PACRG: variants seen among roughly 807,000 people sequenced by gnomAD.
The protein encoded by PACRG is parkin coregulated gene protein.
A neutral mutation model predicts 29.7 loss-of-function variants in PACRG; 29 were observed. The observed-to-expected ratio is 0.98, with a 90% CI of 0.73 to 1.33. PACRG has a LOEUF of 1.33. PACRG is among the 40% of genes most tolerant of loss of function. The probability of loss-of-function intolerance (pLI) is 0.00; values close to 1 mark genes in which losing one functional copy is unlikely to be tolerated. For missense variants in PACRG, 279 were observed against 316.2 expected (o/e 0.88, Z 0.89); for synonymous variants, 116 against 118.7 (o/e 0.98, Z 0.15).
chr6:163,302,737 C>T (rs960895286), intron 4 of PACRG, among the ~76,000 whole-genome samples: 1 of 152,144 alleles, frequency 6.6e-6, no homozygotes, highest in South Asian at 2.1e-4. Context: ...CCCAAATATT[C>T]GGGGAAACAT....
intron 2 of PACRG, among the ~76,000 whole-genome samples, chr6:162,921,062 T>C (rs1182877385): frequency 6.6e-6 from 1 of 152,224 alleles, no homozygotes; most frequent in African/African-American, 2.4e-5. Context: ...TGGAACAAAC[T>C]GCAATAATTA....
chr6:162,811,779 T>A (rs950408413), intron 1 of PACRG, among the ~76,000 whole-genome samples: 1 of 152,112 alleles, frequency 6.6e-6, no homozygotes, highest in African/African-American at 2.4e-5. Context: ...TAAACAGCAA[T>A]GAACTGTTGA....
intron 1 of PACRG, among the ~76,000 whole-genome samples, chr6:162,807,144 T>G (rs1786415960): frequency 6.6e-6 from 1 of 152,232 alleles, no homozygotes; most frequent in Non-Finnish European, 1.5e-5. Flanking sequence ...GTTAGGGCCT[T>G]CCTCTGGATT....
At chr6:162,780,144 T>A (rs764969566) in intron 1 of PACRG, among the ~76,000 whole-genome samples, 5 of 152,094 alleles carry the variant, frequency 3.3e-5, no homozygotes, top group East Asian at 1.9e-4. Flanking sequence ...CCTAAAATAG[T>A]AAGGTGGAAC....
intron 4 of PACRG, among the ~76,000 whole-genome samples, chr6:163,268,555 T>C (rs1191430585): frequency 7.9e-5 from 12 of 152,218 alleles, no homozygotes; most frequent in African/African-American, 2.9e-4. Context: ...GCTTTTTTCT[T>C]TCATAAGAAA....
At chr6:162,913,218 G>A (rs920308313) in intron 2 of PACRG, among the ~76,000 whole-genome samples, 4 of 152,106 alleles carry the variant, frequency 2.6e-5, no homozygotes, top group Admixed American at 6.5e-5. Context: ...CAGGAAGCAC[G>A]ATAATCAACA....
chr6:162,765,971 A>G (rs1782757951), intron 1 of PACRG, among the ~76,000 whole-genome samples: 1 of 152,186 alleles, frequency 6.6e-6, no homozygotes, highest in Non-Finnish European at 1.5e-5. Flanking sequence ...GTATACTTAC[A>G]GAGTACAATG....
At chr6:162,761,963 C>G (rs1327535437) in intron 1 of PACRG, among the ~76,000 whole-genome samples, 2 of 146,976 alleles carry the variant, frequency 1.4e-5, no homozygotes, top group African/African-American at 5.0e-5. Context: ...GAAACCCCCC[C>G]CCAAAAAAAA....
chr6:163,188,464 G>A (rs758985325), intron 4 of PACRG, among the ~76,000 whole-genome samples: 1 of 152,136 alleles, frequency 6.6e-6, no homozygotes, highest in South Asian at 2.1e-4. Context: ...AAATACTGAC[G>A]TGATGCCTTT....
At chr6:162,899,591 C>T (rs1042561124) in intron 2 of PACRG, among the ~76,000 whole-genome samples, 1 of 152,160 alleles carries the variant, frequency 6.6e-6, no homozygotes, top group African/African-American at 2.4e-5. Flanking sequence ...TCTGCCCTGG[C>T]TCCTGCCGTC....
chr6:162,939,725 T>A (rs1197643759), intron 2 of PACRG, among the ~76,000 whole-genome samples: 1 of 151,960 alleles, frequency 6.6e-6, no homozygotes, highest in Non-Finnish European at 1.5e-5. Flanking sequence ...TCTAGCATGT[T>A]CTGGTAATGA....
At position 163,066,563 on chromosome 6, in the gene PACRG, C is replaced by G. The variant is rs372190852; in HGVS notation, c.463+4242C>G. 4.8e-4 allele frequency among the ~76,000 whole-genome samples: 73 copies of G among 152,202 alleles called. 1 individual carries two copies. The highest frequency in any genetic ancestry group is 1.4e-3 in the African/African-American group (57 of 41,544). On this transcript the variant is annotated intron_variant, in intron 3 of 4. Transcript: ENST00000366888. ...TTTTGCAGTAATGACTCTTAAAAAT[C>G]CCAGGAAAACTGGGGTCTACACCCT...
At chr6:163,172,026 T>C (rs1779113595) in intron 4 of PACRG, among the ~76,000 whole-genome samples, 1 of 152,252 alleles carries the variant, frequency 6.6e-6, no homozygotes, top group South Asian at 2.1e-4. Flanking sequence ...CCTGTCTACC[T>C]GGGGTCTGGC....
chr6:162,843,069 T>C lies in PACRG; in HGVS notation c.291+28788T>C, dbSNP rs1437410274. ...TCAACTTTGGTGAATCTGACAATTA[T>C]GTGTCTTGGAGTTGGCTCTTCTCGA... is the stretch of plus-strand genomic sequence containing the variant. On this transcript the variant is annotated intron_variant, in intron 2 of 4. Transcript: ENST00000366888. Among the ~76,000 whole-genome samples the C allele has an allele frequency of 8.0e-5, 12 of 149,108 alleles. No homozygotes were observed. In the East Asian group the frequency reaches 1.8e-3, roughly 23 times the overall value.
intron 2 of PACRG, among the ~76,000 whole-genome samples, chr6:162,992,884 A>G (rs976285099): frequency 6.6e-5 from 10 of 151,300 alleles, no homozygotes; most frequent in Admixed American, 5.9e-4. Flanking sequence ...ATTCAGTGCT[A>G]TAAATTTCCC....
intron 1 of PACRG, among the ~76,000 whole-genome samples, chr6:162,790,273 C>T (rs935534982): frequency 6.6e-6 from 1 of 152,094 alleles, no homozygotes; most frequent in African/African-American, 2.4e-5. Flanking sequence ...ATTTCAAAGC[C>T]AAATAATTCA....
At chr6:162,903,835 T>C (rs1016360419) in intron 2 of PACRG, among the ~76,000 whole-genome samples, 2 of 152,208 alleles carry the variant, frequency 1.3e-5, no homozygotes, top group Non-Finnish European at 2.9e-5. Flanking sequence ...AACCAAAGAC[T>C]ACATTCACCC....
chr6:162,761,677 G>A (rs539179551), intron 1 of PACRG, among the ~76,000 whole-genome samples: 3 of 152,186 alleles, frequency 2.0e-5, no homozygotes, highest in South Asian at 2.1e-4. Context: ...GGTGGCTCAC[G>A]CCTGTAATCC....
chr6:163,056,951 G>A (rs761963401), intron 2 of PACRG, among the ~76,000 whole-genome samples: 13 of 152,160 alleles, frequency 8.5e-5, no homozygotes, highest in Non-Finnish European at 1.6e-4. Context: ...GGCCCAGTGG[G>A]ATTCCTAATG....
Sources: allele counts gnomAD v4.1 joint callset (sites outside exome capture counted in the v4.1 genomes callset), GRCh38; gene constraint gnomAD v4.1.1; transcripts MANE v1.5; gene names NCBI Gene and HGNC (gene_info 2026-07-23, HGNC 2026-07-21).